The following RNASEH2B variants were observed in gnomAD, a reference collection of about 807,000 sequenced individuals.
RNASEH2B encodes the protein Aicardi-Goutieres syndrome 2 protein.
A neutral mutation model predicts 45.0 loss-of-function variants in RNASEH2B; 36 were observed. The ratio of observed to expected loss-of-function variants is 0.80; its 90% confidence interval spans 0.61 to 1.06. The LOEUF (loss-of-function observed/expected upper bound fraction) is 1.06, where lower values mean the gene tolerates loss of function less well. Ranked by LOEUF, RNASEH2B falls within the 50% of genes least tolerant of loss-of-function variation. The probability of loss-of-function intolerance (pLI) is 0.00; values close to 1 mark genes in which losing one functional copy is unlikely to be tolerated. For missense variants in RNASEH2B, 361 were observed against 360.3 expected (o/e 1.00, Z -0.02); for synonymous variants, 119 against 125.7 (o/e 0.95, Z 0.35).
chr13:50,946,088 T>G (rs1458239257), intron 7 of RNASEH2B, among the ~76,000 whole-genome samples: 4 of 152,220 alleles, frequency 2.6e-5, no homozygotes, highest in Admixed American at 2.6e-4. Context: ...ATCAATATAT[T>G]TTGATTTTAG....
Position 50,949,685 on chromosome 13 carries a change from T to G in RNASEH2B, c.741+180T>G, listed in dbSNP as rs139886655. On this transcript the variant is annotated intron_variant, in intron 9 of 10. Coordinates refer to ENST00000336617, the MANE Select transcript of RNASEH2B (RefSeq NM_024570.4). Reference sequence around the variant, plus strand: ...ATCACTATTTTTTATTTTTGTGGATTCCACCTGAATGGTAAATAAAGTGCC... The same window carrying G: ...ATCACTATTTTTTATTTTTGTGGATGCCACCTGAATGGTAAATAAAGTGCC... Among the ~76,000 whole-genome samples, 66 of 152,316 alleles carry G rather than the reference T, an allele frequency of 4.3e-4. No homozygotes were observed. In the East Asian group the frequency reaches 0.012, roughly 27 times the overall value.
At chr13:50,929,426 G>C (rs1323586762) in intron 2 of RNASEH2B, 49 bp from the exon 3 acceptor site, 1 of 1,046,596 alleles carries the variant, frequency 9.6e-7, no homozygotes, top group Non-Finnish European at 1.5e-6. Context: ...GTGTGTGTTT[G>C]TGTGTGTGTG....
chr13:50,943,154 C>A, intron 5 of RNASEH2B, 167 bp from the exon 6 acceptor site: 1 of 592,606 alleles, frequency 1.7e-6, no homozygotes, highest in Non-Finnish European at 3.0e-6. Flanking sequence ...CACATTACTA[C>A]TAACATTTAA....
intron 9 of RNASEH2B, among the ~76,000 whole-genome samples, chr13:50,968,827 G>A (rs114875774): frequency 0.022 from 3,325 of 152,268 alleles, 56 homozygotes; most frequent in African/African-American, 0.041. Flanking sequence ...ATTAATAAAT[G>A]TTATTTTGAT....
intron 5 of RNASEH2B, chr13:50,937,871 C>T (rs1301711772): frequency 6.6e-6 from 1 of 152,162 alleles, no homozygotes; most frequent in Non-Finnish European, 1.5e-5. Flanking sequence ...CAATCTTCCC[C>T]CAAGACTGGA....
chr13:50,965,818 CATTTTACGTAGCATTT>C (rs1482249332), intron 9 of RNASEH2B, among the ~76,000 whole-genome samples: 1 of 152,186 alleles, frequency 6.6e-6, no homozygotes, highest in African/African-American at 2.4e-5. Flanking sequence ...TTACTGGAGT[CATTTTACGTAGCATTT>C]AGAGATTATT....
intron 10 of RNASEH2B, chr13:50,956,147 G>GT: frequency 2.0e-6 from 1 of 501,410 alleles, no homozygotes; most frequent in Non-Finnish European, 3.6e-6. Context: ...GAAGGCAGCA[G>GT]TTTTGTCTTC....
At chr13:50,937,942 T>C (rs1224060024) in intron 5 of RNASEH2B, 1 of 152,200 alleles carries the variant, frequency 6.6e-6, no homozygotes, top group African/African-American at 2.4e-5. Flanking sequence ...TGTCCTAGCA[T>C]GTGCAATAAG....
chr13:50,918,799 G>A (rs541348550), intron 1 of RNASEH2B, among the ~76,000 whole-genome samples: 3 of 152,286 alleles, frequency 2.0e-5, no homozygotes, highest in South Asian at 4.1e-4. Context: ...GCAGTGGGAC[G>A]GGGAGGGTCT....
chr13:50,924,502 C>T (rs1398692677), intron 1 of RNASEH2B, among the ~76,000 whole-genome samples: 1 of 152,034 alleles, frequency 6.6e-6, no homozygotes, highest in Non-Finnish European at 1.5e-5. Context: ...TGACAGAGCC[C>T]CAAATTACAT....
In RNASEH2B at chr13:50,949,467, C is replaced by A; in HGVS notation, c.703C>A (p.Pro235Thr). ...SDDLSKYLKL[P>T]EPSASLPNPP... Reference sequence around the variant, plus strand: ...TGTTATTTTTAACTTTCTTAGGCTTCCAGAACCTTCAGCCTCATTGCCAAA... The same window carrying A: ...TGTTATTTTTAACTTTCTTAGGCTTACAGAACCTTCAGCCTCATTGCCAAA... Residue 235 changes from proline to threonine, a missense_variant, in exon 9 of 11, where the codon CCA becomes ACA. Transcript: ENST00000336617. The A allele has an allele frequency of 6.2e-7, 1 of 1,613,332 alleles. No individual in the cohort carries two copies. The highest frequency in any genetic ancestry group is 1.1e-5 in the South Asian group (1 of 91,068).
At chr13:50,923,743 C>T (rs1951554266) in intron 1 of RNASEH2B, among the ~76,000 whole-genome samples, 1 of 151,922 alleles carries the variant, frequency 6.6e-6, no homozygotes, top group Non-Finnish European at 1.5e-5. Flanking sequence ...ATAAAGAGCA[C>T]TAGTAAAGAT....
intron 1 of RNASEH2B, 65 bp from the exon 2 acceptor site, chr13:50,927,342 T>A: frequency 1.0e-6 from 1 of 952,686 alleles, no homozygotes; most frequent in Non-Finnish European, 1.7e-6. Context: ...GAAAACAGGG[T>A]AAAGTAAGGT....
rs774043353 is a variant in RNASEH2B, at chr13:50,956,451, A to T, written c.916A>T (p.Lys306Ter). The T allele has an allele frequency of 7.0e-6, 10 of 1,438,786 alleles. No individual in the cohort carries two copies. The highest frequency in any genetic ancestry group is 2.5e-5 in the East Asian group (1 of 40,342). 89.1% of individuals were successfully genotyped at this position (1,438,786 alleles called of 1,614,324 possible). A position where few individuals can be genotyped will look rare whatever the true frequency, so the allele number is the denominator to read the frequency against. ...SIDTFFGVKN[K>*]KKIGKV ...TGATACCTTTTTTGGGGTAAAAAAT[A>T]AAAAAAAAATTGGAAAGGTTTGAAA... Residue 306 changes from lysine to a stop codon, truncating the protein, a stop_gained, in exon 11 of 11, where the codon AAA becomes TAA. Coordinates refer to ENST00000336617, the MANE Select transcript of RNASEH2B (RefSeq NM_024570.4). LOFTEE classifies it high-confidence loss of function.
At position 50,949,471 on chromosome 13, in the gene RNASEH2B, A is replaced by G. The variant is rs748746326; in HGVS notation, c.707A>G (p.Glu236Gly). The G allele has an allele frequency of 6.2e-7, 1 of 1,613,520 alleles. No individual in the cohort carries two copies. Among genetic ancestry groups the G allele is most frequent in the Non-Finnish European group, 8.5e-7 (1 of 1,179,548 alleles). Residue 236 changes from glutamate (E) to glycine (G), a missense_variant, in exon 9 of 11, where the codon GAA (glutamate) becomes GGA (glycine). By Grantham distance (98) the Glu-to-Gly change is moderately conservative. Coordinates refer to ENST00000336617, the MANE Select transcript of RNASEH2B (RefSeq NM_024570.4). ...ATTTTTAACTTTCTTAGGCTTCCAG[A>G]ACCTTCAGCCTCATTGCCAAATCCT... ...DDLSKYLKLPEPSASLPNPPS... is the reference protein window; with the variant it reads ...DDLSKYLKLPGPSASLPNPPS...
At chr13:50,963,098 T>C (rs1952127381) in intron 9 of RNASEH2B, among the ~76,000 whole-genome samples, 1 of 152,084 alleles carries the variant, frequency 6.6e-6, no homozygotes, top group African/African-American at 2.4e-5. Flanking sequence ...TACTTTGATT[T>C]ATAGCATTTC....
rs555974773 is a variant in RNASEH2B at position 50,963,314 on chromosome 13, G to A, written c.742-6618G>A. On this transcript the variant is annotated intron_variant, in intron 9 of 9. Coordinates refer to the RNASEH2B transcript ENST00000422660. ...CAAGTAGCTGGGATTACAGTCATGCGTCACCAGACCTGGCTAATTTTGTAT... is the reference window on the plus strand; with the variant it reads ...CAAGTAGCTGGGATTACAGTCATGCATCACCAGACCTGGCTAATTTTGTAT... Among the ~76,000 whole-genome samples, 16 of 152,100 alleles carry A rather than the reference G, an allele frequency of 1.1e-4. No homozygotes were observed. In the South Asian group the frequency reaches 1.2e-3, roughly 12 times the overall value.
At chr13:50,946,591 A>G (rs1283834738) in intron 7 of RNASEH2B, among the ~76,000 whole-genome samples, 2 of 152,156 alleles carry the variant, frequency 1.3e-5, no homozygotes, top group African/African-American at 4.8e-5. Context: ...GGATGGAACC[A>G]TAGATTTTGT....
Position 50,955,922 on chromosome 13 carries a change from G to A in RNASEH2B, c.823-436G>A, listed in dbSNP as rs189325524. Reference sequence around the variant, plus strand: ...ACAAGTCATCTTTTGAATATCATAGGGTTGTCCTTGGTTTCCCATGGAGCA... The same window carrying A: ...ACAAGTCATCTTTTGAATATCATAGAGTTGTCCTTGGTTTCCCATGGAGCA... On this transcript the variant is annotated intron_variant, in intron 10 of 10. Coordinates refer to ENST00000336617, the MANE Select transcript of RNASEH2B (RefSeq NM_024570.4). 169 of 174,854 alleles carry A rather than the reference G, an allele frequency of 9.7e-4. 2 individuals are homozygous for A. Among genetic ancestry groups the A allele is most frequent in the Non-Finnish European group, 1.3e-3 (104 of 80,396 alleles). The allele number at this position is 174,854 out of a possible 1,614,324, so 10.8% of individuals were successfully genotyped here.
Sources: gnomAD v4.1 joint callset for allele counts (sites outside exome capture counted in the v4.1 genomes callset) on GRCh38, gnomAD v4.1.1 for gene constraint, MANE v1.5 for transcripts, NCBI Gene and HGNC (gene_info 2026-07-23, HGNC 2026-07-21) for gene names.